STPG4: variants seen among roughly 807,000 people sequenced by gnomAD.
STPG4 encodes sperm-tail PG-rich repeat containing 4.
STPG4 carries 41 observed loss-of-function variants against 31.5 expected under a neutral mutation model. The ratio of observed to expected loss-of-function variants is 1.30; its 90% CI spans 1.01 to 1.69. The LOEUF is 1.69. STPG4 is among the 40% of genes most tolerant of loss of function. The pLI is 0.00. For synonymous variants in STPG4, 141 were observed against 103.0 expected, an observed-to-expected ratio of 1.37 and a Z score of -2.24; for missense variants, 375 against 293.4, an observed-to-expected ratio of 1.28 and a Z score of -2.03.
intron 6 of STPG4, among the ~76,000 whole-genome samples, chr2:47,088,650 T>C (rs894976328): frequency 6.6e-6 from 1 of 152,190 alleles, no homozygotes; most frequent in Non-Finnish European, 1.5e-5. Context: ...CTACTTGTCA[T>C]TTCCACCCTG....
chr2:47,111,765 T>G (rs1324905341), intron 5 of STPG4, among the ~76,000 whole-genome samples: 1 of 152,202 alleles, frequency 6.6e-6, no homozygotes, highest in African/African-American at 2.4e-5. Flanking sequence ...CAGACTTTCC[T>G]ATGGACAAAA....
chr2:47,130,989 T>C (rs564803330), intron 3 of STPG4, among the ~76,000 whole-genome samples: 1 of 151,678 alleles, frequency 6.6e-6, no homozygotes, highest in East Asian at 1.9e-4. Context: ...TACTTTTTTA[T>C]TTTTTGTAGA....
chr2:47,130,023 G>C, intron 4 of STPG4, 28 bp from the exon 5 acceptor site: 1 of 1,504,398 alleles, frequency 6.6e-7, no homozygotes, highest in Non-Finnish European at 9.1e-7. Flanking sequence ...AAAGAAAAGT[G>C]ATTTTCTAAA....
chr2:47,117,364 C>T (rs1173607675), intron 5 of STPG4, among the ~76,000 whole-genome samples: 2 of 152,134 alleles, frequency 1.3e-5, no homozygotes, highest in African/African-American at 4.8e-5. Context: ...CATGCACCAC[C>T]ACACCTGGCT....
chr2:47,107,581 G>A (rs189909515), intron 5 of STPG4, among the ~76,000 whole-genome samples: 118 of 152,228 alleles, frequency 7.8e-4, no homozygotes, highest in Middle Eastern at 3.4e-3. Context: ...ATGGGCTCCT[G>A]TGCAGCCCCA....
intron 5 of STPG4, among the ~76,000 whole-genome samples, chr2:47,113,348 A>G (rs1338234666): frequency 2.6e-5 from 4 of 152,256 alleles, no homozygotes; most frequent in Admixed American, 1.3e-4. Context: ...TTAACTATAT[A>G]GAGTTTAAAC....
At position 47,087,111 on chromosome 2, in the gene STPG4, G is replaced by A. The variant is rs994251596; in HGVS notation, c.644C>T (p.Ala215Val). The change falls in exon 7 of 7, where the codon GCA becomes GTA. Residue 215 changes from alanine (A) to valine (V), a missense_variant. By Grantham distance (64) the Ala-to-Val change is moderately conservative (BLOSUM62 0). Transcript: ENST00000445927. ...AGGGAATTGTCTTAAAGTTGTATAT[G>A]CTCCTGGGCCTGGGGTTTTCTGAAA... ...PSCSKTPGPG[A>V]YTTLRQFPKQ... The A allele has an allele frequency of 4.5e-6, 7 of 1,551,682 alleles. No individual in the cohort carries two copies. In the African/African-American group the frequency reaches 5.5e-5, roughly 12 times the overall value.
chr2:47,128,406 G>A lies in STPG4; in HGVS notation c.519+1535C>T, dbSNP rs890360978. ...CTTCAAGGCAGCATGCTGCCCCCTG[G>A]GCCAAGTGCAGATCAGAAATACCAT... On this transcript the variant is annotated intron_variant, in intron 5 of 6. Coordinates refer to ENST00000445927, the MANE Select transcript of STPG4 (RefSeq NM_001163561.2). Among the ~76,000 whole-genome samples, 3 of 152,060 alleles carry A rather than the reference G, an allele frequency of 2.0e-5. No individual in the cohort carries two copies. The East Asian group carries it at 5.8e-4, about 29-fold the overall frequency.
chr2:47,119,683 T>C (rs377333529), intron 5 of STPG4, among the ~76,000 whole-genome samples: 2 of 152,210 alleles, frequency 1.3e-5, no homozygotes, highest in African/African-American at 4.8e-5. Context: ...ACGTAACTAT[T>C]GTAGAACAGA....
chr2:47,136,112 G>A (rs1297120640), intron 3 of STPG4, among the ~76,000 whole-genome samples: 1 of 152,002 alleles, frequency 6.6e-6, no homozygotes, highest in Non-Finnish European at 1.5e-5. Flanking sequence ...CCTATCCACG[G>A]GAAATCTCTT....
chr2:47,154,636 C>G (rs1352300504), intron 1 of STPG4, among the ~76,000 whole-genome samples: 4 of 152,234 alleles, frequency 2.6e-5, no homozygotes, highest in Non-Finnish European at 5.9e-5. Flanking sequence ...GAGGCTGAGG[C>G]AGGAGAATCC....
chr2:47,132,562 T>G (rs903544601), intron 3 of STPG4, among the ~76,000 whole-genome samples: 1 of 152,176 alleles, frequency 6.6e-6, no homozygotes, highest in Non-Finnish European at 1.5e-5. Context: ...GATGCACCTG[T>G]GCTGCTTGAG....
Position 47,151,384 on chromosome 2 carries a change from T to C in STPG4, c.273A>G (p.Pro91=), listed in dbSNP as rs746610237. The C allele has an allele frequency of 6.7e-5, 108 of 1,614,134 alleles. No homozygotes were observed. The South Asian group carries it at 1.2e-3, about 17-fold the overall frequency. ...KKPPLVQRNN[P]VLNDLPQYMP... is the part of the protein sequence containing the mutation. ...TATACTGCGGAAGATCATTTAGGAC[T>C]GGATTGTTTCTTTGCACAAGAGGTG... The change falls in exon 3 of 7, where the codon CCA becomes CCG. Residue 91 remains proline (P), a synonymous_variant. Coordinates refer to ENST00000445927, the MANE Select transcript of STPG4 (RefSeq NM_001163561.2).
At chr2:47,108,227 G>C (rs1010639029) in intron 5 of STPG4, among the ~76,000 whole-genome samples, 3 of 151,378 alleles carry the variant, frequency 2.0e-5, no homozygotes, top group South Asian at 2.1e-4. Context: ...ATGTGGGTGG[G>C]GCCAGATAAG....
In STPG4 at chr2:47,105,338, T is replaced by C. The variant is rs945693348; in HGVS notation, c.520-14964A>G. Among the ~76,000 whole-genome samples, 8 of 151,900 alleles carry C rather than the reference T, an allele frequency of 5.3e-5. 1 individual carries two copies. Among genetic ancestry groups the C allele is most frequent in the African/African-American group, 1.9e-4 (8 of 41,222 alleles). ...TTAGTGTCAGAGGCTATCAAAATAATACAAGGAAAGGATCTCACTGTCTGG... is the reference window on the plus strand; with the variant it reads ...TTAGTGTCAGAGGCTATCAAAATAACACAAGGAAAGGATCTCACTGTCTGG... On this transcript the variant is annotated intron_variant, in intron 5 of 6. Coordinates refer to ENST00000445927, the MANE Select transcript of STPG4 (RefSeq NM_001163561.2).
At chr2:47,090,170 C>A in intron 6 of STPG4, 100 bp downstream of exon 6, 1 of 765,770 alleles carries the variant, frequency 1.3e-6, no homozygotes, top group Non-Finnish European at 2.2e-6. Flanking sequence ...TCCCCCATCT[C>A]ACCACCACCC....
At chr2:47,114,380 G>A (rs188978826) in intron 5 of STPG4, among the ~76,000 whole-genome samples, 6 of 152,014 alleles carry the variant, frequency 3.9e-5, no homozygotes, top group South Asian at 4.2e-4. Flanking sequence ...GGTGGCAGGC[G>A]CCTATAATCT....
rs954874502 is a variant in STPG4, at chr2:47,087,086, A to C, written c.669T>G (p.Pro223=). The C allele has an allele frequency of 1.3e-6, 2 of 1,551,818 alleles. No individual in the cohort carries two copies. Among genetic ancestry groups the C allele is most frequent in the South Asian group, 2.4e-5 (2 of 84,066 alleles). ...PGAYTTLRQF[P]KQSPTIAKMG... The stretch of plus-strand genomic sequence containing the variant: ...TTTTGGCTATGGTCGGAGACTGCTT[A>C]GGGAATTGTCTTAAAGTTGTATATG... The change falls in exon 7 of 7, where the codon CCT becomes CCG. Residue 223 remains proline, a synonymous_variant. Transcript: ENST00000445927.
chr2:47,090,143 T>C, intron 6 of STPG4, 127 bp downstream of exon 6: 1 of 632,438 alleles, frequency 1.6e-6, no homozygotes. Flanking sequence ...CTACCAGAAC[T>C]GTACACACAT....
Sources: gnomAD v4.1 joint callset for allele counts (sites outside exome capture counted in the v4.1 genomes callset) on GRCh38, gnomAD v4.1.1 for gene constraint, MANE v1.5 for transcripts, NCBI Gene and HGNC (gene_info 2026-07-23, HGNC 2026-07-21) for gene names.